Variants in CLVS1 observed in about 807,000 individuals in gnomAD.
CLVS1 encodes the protein clavesin 1.
Under a neutral mutation model 33.1 loss-of-function variants are expected in CLVS1, and 10 were observed. The ratio of observed to expected loss-of-function variants is 0.30; its 90% CI spans 0.19 to 0.51. The LOEUF is 0.51. Ranked by LOEUF, CLVS1 falls within the 20% of genes least tolerant of loss-of-function variation. The pLI, the probability that CLVS1 is intolerant of heterozygous loss-of-function variation, is 0.97. For synonymous variants in CLVS1, 163 were observed against 166.1 expected (o/e 0.98, Z 0.14); for missense variants, 343 against 433.4 (o/e 0.79, Z 1.85).
the CLVS1 span, among the ~76,000 whole-genome samples, chr8:61,023,482 T>C: frequency 1.3e-5 from 2 of 152,240 alleles, no homozygotes; most frequent in Admixed American, 1.3e-4. Flanking sequence ...CCACAGTTAT[T>C]CAAATTTAGT....
intron 1 of CLVS1, among the ~76,000 whole-genome samples, chr8:61,289,847 T>C (rs1809921953): frequency 6.6e-6 from 1 of 152,216 alleles, no homozygotes; most frequent in African/African-American, 2.4e-5. Context: ...CAAAAGTTAA[T>C]TACTGCCACT....
intron 2 of CLVS1, among the ~76,000 whole-genome samples, chr8:61,273,250 G>C (rs10090352): frequency 2.6e-5 from 4 of 151,864 alleles, no homozygotes; most frequent in South Asian, 4.2e-4. Flanking sequence ...ATACCCTGCC[G>C]TGTGAGGTGT....
At chr8:60,995,257 A>G in the CLVS1 span, among the ~76,000 whole-genome samples, 1 of 151,976 alleles carries the variant, frequency 6.6e-6, no homozygotes, top group East Asian at 1.9e-4. Flanking sequence ...TTTGCAACCT[A>G]CTCATCTGAC....
rs902650855 is a variant in CLVS1 at position 61,326,983 on chromosome 8, C to T, written c.455+26701C>T. Among the ~76,000 whole-genome samples, 13 of 152,224 alleles carry T rather than the reference C, an allele frequency of 8.5e-5. No individual in the cohort carries two copies. In the East Asian group the frequency reaches 9.7e-4, roughly 11 times the overall value. On this transcript the variant is annotated intron_variant, in intron 2 of 5. Coordinates refer to ENST00000325897, the MANE Select transcript of CLVS1 (RefSeq NM_173519.3). ...TGTTTCAGTTCAGCTAAAGGATTTT[C>T]GATTTGACAACTCTCATGAATATAA... is the stretch of plus-strand genomic sequence containing the variant.
At chr8:61,446,519 G>A (rs1012095561) in intron 3 of CLVS1, among the ~76,000 whole-genome samples, 3 of 152,166 alleles carry the variant, frequency 2.0e-5, no homozygotes, top group Non-Finnish European at 2.9e-5. Flanking sequence ...ACATCCCAGA[G>A]TGGCATAGGG....
the CLVS1 span, among the ~76,000 whole-genome samples, chr8:60,996,264 C>T: frequency 3.3e-5 from 5 of 152,228 alleles, no homozygotes; most frequent in Non-Finnish European, 7.3e-5. Context: ...GACATCATCT[C>T]TTTTGTCTGG....
chr8:61,273,916 G>A (rs370326745), intron 2 of CLVS1: 7 of 158,760 alleles, frequency 4.4e-5, no homozygotes, highest in Middle Eastern at 2.8e-3. Context: ...AGATGAACCC[G>A]GTACCTCAGA....
chr8:61,457,878 A>T (rs529396500), intron 4 of CLVS1, among the ~76,000 whole-genome samples: 1 of 152,336 alleles, frequency 6.6e-6, no homozygotes, highest in South Asian at 2.1e-4. Context: ...ATTAGGAAGA[A>T]GCTGCAACTT....
At chr8:61,461,437 TG>T (rs1817361921) in intron 5 of CLVS1, among the ~76,000 whole-genome samples, 1 of 152,244 alleles carries the variant, frequency 6.6e-6, no homozygotes, top group Non-Finnish European at 1.5e-5. Flanking sequence ...ATCTTCTTAG[TG>T]CCTCAAACTA....
At chr8:61,052,134 A>T in the CLVS1 span, among the ~76,000 whole-genome samples, 1 of 152,340 alleles carries the variant, frequency 6.6e-6, no homozygotes, top group South Asian at 2.1e-4. Context: ...GAAGACTGAG[A>T]AAGCCACTCC....
chr8:61,224,115 T>C (rs1808279409), intron 2 of CLVS1, among the ~76,000 whole-genome samples: 1 of 152,202 alleles, frequency 6.6e-6, no homozygotes, highest in Non-Finnish European at 1.5e-5. Flanking sequence ...TTAGACCATG[T>C]GCCTTTAGCT....
intron 1 of CLVS1, among the ~76,000 whole-genome samples, chr8:61,088,421 C>T (rs558709539): frequency 1.0e-4 from 14 of 138,978 alleles, no homozygotes; most frequent in African/African-American, 1.9e-4. Flanking sequence ...ACCTGGGAGG[C>T]GGAGGTTGAA....
chr8:61,402,472 A>G (rs747759711), intron 3 of CLVS1, among the ~76,000 whole-genome samples: 5 of 152,204 alleles, frequency 3.3e-5, no homozygotes, highest in African/African-American at 4.8e-5. Flanking sequence ...CCAGGTTCAC[A>G]TACAAAACAA....
At chr8:61,301,598 A>G (rs1258083171) in intron 2 of CLVS1, among the ~76,000 whole-genome samples, 3 of 152,134 alleles carry the variant, frequency 2.0e-5, no homozygotes, top group Non-Finnish European at 2.9e-5. Context: ...CATTTAACCC[A>G]CCTGAGAACT....
upstream of CLVS1, among the ~76,000 whole-genome samples, chr8:61,285,283 T>C (rs770190582): frequency 2.0e-5 from 3 of 152,200 alleles, no homozygotes; most frequent in Non-Finnish European, 4.4e-5. Context: ...GTGAACTTAA[T>C]TTGATTTTAC....
rs28478401 is a variant in CLVS1 at position 61,425,370 on chromosome 8, G to A, written c.631-28771G>A. On this transcript the variant is annotated intron_variant, in intron 3 of 5. Coordinates refer to ENST00000325897, the MANE Select transcript of CLVS1 (RefSeq NM_173519.3). ...TTCATTATACTATGCACAAGGATCT[G>A]TATTTTGGATTCTCAAGTTCTAATG... Among the ~76,000 whole-genome samples the A allele has an allele frequency of 9.8e-3, 1,495 of 152,212 alleles. 30 individuals are homozygous for A. The highest frequency in any genetic ancestry group is 0.034 in the African/African-American group (1,397 of 41,528).
rs183961805 is a variant in CLVS1 at position 61,356,824 on chromosome 8, A to T, written c.456-19781A>T. 1.3e-3 allele frequency among the ~76,000 whole-genome samples: 202 copies of T among 152,182 alleles called. 2 individuals are homozygous for T. The highest frequency in any genetic ancestry group is 1.5e-4 in the Non-Finnish European group (10 of 68,000). ...GCTGTTTTGTTACTGTAGCCTTGTA[A>T]TATAGTTTGAAGTCAGGTAGCGTGA... On this transcript the variant is annotated intron_variant, in intron 2 of 5. Transcript: ENST00000325897.
chr8:61,367,190 G>A (rs188361452), intron 2 of CLVS1, among the ~76,000 whole-genome samples: 84 of 152,158 alleles, frequency 5.5e-4, no homozygotes, highest in African/African-American at 1.9e-3. Context: ...CATAGTTCCT[G>A]CTGCCAGCCC....
rs1299314892 is a variant in CLVS1 at position 61,387,487 on chromosome 8, TA to T, written c.630+10711del. Reference sequence around the variant, plus strand: ...GTTCCTTTTTTTTTTTTTTTTTTTTTAAATTTCAATAGGTTTTTGGGGAACA... The same window carrying T: ...GTTCCTTTTTTTTTTTTTTTTTTTTTAATTTCAATAGGTTTTTGGGGAACA... On this transcript the variant is annotated intron_variant, in intron 3 of 5. Transcript: ENST00000325897. 5.4e-3 allele frequency among the ~76,000 whole-genome samples: 800 copies of T among 147,362 alleles called. 10 individuals carry two copies. The highest frequency in any genetic ancestry group is 0.018 in the African/African-American group (723 of 40,070).
Sources: gnomAD v4.1 joint callset for allele counts (sites outside exome capture counted in the v4.1 genomes callset) on GRCh38, gnomAD v4.1.1 for gene constraint, MANE v1.5 for transcripts, NCBI Gene and HGNC (gene_info 2026-07-23, HGNC 2026-07-21) for gene names.